ACR: variants seen among roughly 807,000 people sequenced by gnomAD.
ACR encodes acrosin light and heavy chain prepropeptide.
In ACR, 17 loss-of-function variants were observed where a neutral mutation model predicts 26.0. The observed-to-expected ratio is 0.65, with a 90% CI of 0.45 to 0.98. The LOEUF is 0.98. ACR is among the 50% of genes least tolerant of loss of function. The pLI is 0.00. For synonymous variants in ACR, 199 were observed against 207.7 expected (o/e 0.96, Z 0.36); for missense variants, 435 against 519.3 (o/e 0.84, Z 1.58).
chr22:50,740,523 C>A, intron 3 of ACR: 1 of 694,158 alleles, frequency 1.4e-6, no homozygotes, highest in Non-Finnish European at 2.6e-6. Flanking sequence ...CAAATCTACC[C>A]TCTCCATCTG....
chr22:50,742,566 G>A (rs1047611802), intron 3 of ACR, among the ~76,000 whole-genome samples: 19 of 145,466 alleles, frequency 1.3e-4, no homozygotes, highest in Non-Finnish European at 1.9e-4. Flanking sequence ...AAAAAAAATC[G>A]TCTTAATGGC....
rs1160394954 is a variant in ACR, at chr22:50,739,259, G to C, written c.78-12G>C. 1.9e-6 allele frequency: 3 copies of C among 1,558,450 alleles called. No individual in the cohort carries two copies. In the Admixed American group the frequency reaches 5.8e-5, roughly 30 times the overall value. ...CATGCCAGGTTTGAACTGTGCTCTG[G>C]TCTCTCCCCAGTGGCCCCTGTGGGT... On this transcript the variant is annotated splice_polypyrimidine_tract_variant and intron_variant, in intron 1 of 4. Coordinates refer to ENST00000216139, the MANE Select transcript of ACR (RefSeq NM_001097.3). The surrounding 1 kb of genome is among the most constrained non-coding windows in gnomAD (Gnocchi z 5.5).
intron 3 of ACR, chr22:50,740,336 G>C (rs913956414): frequency 1.8e-6 from 1 of 570,706 alleles, no homozygotes; most frequent in Non-Finnish European, 3.1e-6. Flanking sequence ...TTATGTGGCC[G>C]TATGACAGTG....
Position 50,744,839 on chromosome 22 carries a change from G to T in ACR, c.898G>T (p.Ala300Ser). The T allele has an allele frequency of 6.3e-7, 1 of 1,599,790 alleles. No individual in the cohort carries two copies. Among genetic ancestry groups the T allele is most frequent in the Non-Finnish European group, 8.5e-7 (1 of 1,173,944 alleles). Residue 300 changes from alanine to serine, a missense_variant, in exon 5 of 5, where the codon GCC (alanine) becomes TCC (serine). By Grantham distance (99) the Ala-to-Ser change is moderately conservative. Transcript: ENST00000216139. Reference protein sequence around the residue: ...GSNALRMIQSATPPPPTTRPP... With the variant: ...GSNALRMIQSSTPPPPTTRPP... ...TAACGCTTTGCGTATGATTCAATCGGCCACCCCTCCACCTCCCACCACTCG... is the reference window on the plus strand; with the variant it reads ...TAACGCTTTGCGTATGATTCAATCGTCCACCCCTCCACCTCCCACCACTCG...
At chr22:50,743,715 C>T (rs527547847) in intron 3 of ACR, among the ~76,000 whole-genome samples, 57 of 152,306 alleles carry the variant, frequency 3.7e-4, no homozygotes, top group South Asian at 6.2e-4. Flanking sequence ...GACCATGTGA[C>T]TCAGGGAGTG....
At chr22:50,738,658 C>T (rs892038085) in intron 1 of ACR, among the ~76,000 whole-genome samples, 5 of 151,724 alleles carry the variant, frequency 3.3e-5, no homozygotes, top group African/African-American at 4.9e-5. Flanking sequence ...CGCTTCACAC[C>T]GCTTGCACCC....
At chr22:50,744,039 C>A (rs2083438161) in intron 3 of ACR, 22 bp from the exon 4 acceptor site, 4 of 1,534,470 alleles carry the variant, frequency 2.6e-6, no homozygotes, top group South Asian at 2.2e-5. Flanking sequence ...TGATCACTGA[C>A]CACCGAGTGG....
chr22:50,738,683 G>T (rs1169810715), intron 1 of ACR, among the ~76,000 whole-genome samples: 1 of 151,174 alleles, frequency 6.6e-6, no homozygotes, highest in Non-Finnish European at 1.5e-5. Context: ...CCCCCAGTAG[G>T]CTCTCTCACT....
chr22:50,740,180 GC>G (rs1248958597), intron 3 of ACR: 1 of 719,632 alleles, frequency 1.4e-6, no homozygotes, highest in Non-Finnish European at 2.5e-6. Context: ...CTACGGGGGG[GC>G]TGACAGCAGG....
chr22:50,739,653 T>C lies in ACR; in HGVS notation c.282-41T>C. The stretch of plus-strand genomic sequence containing the variant: ...CTGAGGGTCGCTGTCACCAGGCTTT[T>C]GTCCAGCCGGTTGTGACCTGGCTTA... On this transcript the variant is annotated intron_variant, in intron 2 of 4. Coordinates refer to ENST00000216139, the MANE Select transcript of ACR (RefSeq NM_001097.3). The surrounding 1 kb of genome is among the most constrained non-coding windows in gnomAD (Gnocchi z 5.5). The C allele has an allele frequency of 6.5e-7, 1 of 1,539,784 alleles. No individual in the cohort carries two copies. Among genetic ancestry groups the C allele is most frequent in the Non-Finnish European group, 8.7e-7 (1 of 1,143,936 alleles).
At position 50,739,182 on chromosome 22, in the gene ACR, C is replaced by G. The variant is rs1049212260; in HGVS notation, c.78-89C>G. On this transcript the variant is annotated intron_variant, in intron 1 of 4. Coordinates refer to ENST00000216139, the MANE Select transcript of ACR (RefSeq NM_001097.3). This position sits in a 1 kb window ranked among gnomAD's most constrained non-coding sequence, Gnocchi z 5.5. ...GGAAGCTCTTCCCCACTTTTCCCAA[C>G]CCCATGTCCCTGCCTCCCCTCAGTT... 27 of 1,251,898 alleles carry G rather than the reference C, an allele frequency of 2.2e-5. No homozygotes were observed. The highest frequency in any genetic ancestry group is 1.8e-4 in the African/African-American group (12 of 67,150). 77.5% of individuals were successfully genotyped at this position (1,251,898 alleles called of 1,614,324 possible).
chr22:50,744,596 T>G (rs552705598), intron 4 of ACR, 57 bp from the exon 5 acceptor site: 1 of 1,553,182 alleles, frequency 6.4e-7, no homozygotes, highest in African/African-American at 1.4e-5. Flanking sequence ...TTCCGACCCC[T>G]CTGGGCAGGG....
At chr22:50,741,681 A>T (rs907239359) in intron 3 of ACR, among the ~76,000 whole-genome samples, 10 of 134,616 alleles carry the variant, frequency 7.4e-5, no homozygotes, top group Admixed American at 1.5e-4. Context: ...TCTTAAAGAA[A>T]CCCCCAGGCT....
At position 50,739,659 on chromosome 22, in the gene ACR, G is replaced by C; in HGVS notation, c.282-35G>C. ...GTCGCTGTCACCAGGCTTTTGTCCA[G>C]CCGGTTGTGACCTGGCTTACCTTTG... On this transcript the variant is annotated intron_variant, in intron 2 of 4. Transcript: ENST00000216139. The surrounding 1 kb of genome is among the most constrained non-coding windows in gnomAD (Gnocchi z 5.5). 1 of 1,538,828 alleles carries C rather than the reference G, an allele frequency of 6.5e-7. No individual in the cohort carries two copies. The highest frequency in any genetic ancestry group is 8.7e-7 in the Non-Finnish European group (1 of 1,143,790).
chr22:50,740,760 C>T (rs2146854054), intron 3 of ACR: 3 of 702,088 alleles, frequency 4.3e-6, no homozygotes, highest in Middle Eastern at 2.3e-4. Context: ...ACCTGATACA[C>T]TCGACACCAG....
chr22:50,739,725 G>A lies in ACR; in HGVS notation c.313G>A (p.Ala105Thr). Residue 105 changes from alanine (A) to threonine (T), a missense_variant, in exon 3 of 5, where the codon GCA (alanine) becomes ACA (threonine). Ala to Thr is a moderately conservative substitution (Grantham distance 58, BLOSUM62 0). Around this residue, in one of 3 missense-constraint regions of ACR, gnomAD observed 314 missense variants for 372.0 expected, o/e 0.84. Coordinates refer to ENST00000216139, the MANE Select transcript of ACR (RefSeq NM_001097.3). This position sits in a 1 kb window ranked among gnomAD's most constrained non-coding sequence, Gnocchi z 5.5. ...GCATGACTGGAGACTGGTTTTCGGAGCAAAGGAAATTACATATGGGAACAA... is the reference window on the plus strand; with the variant it reads ...GCATGACTGGAGACTGGTTTTCGGAACAAAGGAAATTACATATGGGAACAA... ...NVHDWRLVFG[A>T]KEITYGNNKP... The A allele has an allele frequency of 1.9e-6, 3 of 1,545,360 alleles. No individual in the cohort carries two copies. The highest frequency in any genetic ancestry group is 2.6e-6 in the Non-Finnish European group (3 of 1,148,614).
intron 1 of ACR, among the ~76,000 whole-genome samples, chr22:50,738,807 A>C (rs1406469874): frequency 6.6e-6 from 1 of 150,656 alleles, no homozygotes; most frequent in Non-Finnish European, 1.5e-5. Flanking sequence ...TGCCCCCTAC[A>C]CCTGTGGGCC....
chr22:50,741,110 A>C (rs2083423077), intron 3 of ACR, among the ~76,000 whole-genome samples: 1 of 152,196 alleles, frequency 6.6e-6, no homozygotes, highest in Non-Finnish European at 1.5e-5. Context: ...AATTCAAGGC[A>C]ATTCAGTCAT....
intron 3 of ACR, among the ~76,000 whole-genome samples, chr22:50,741,494 C>T (rs1030834105): frequency 7.9e-5 from 12 of 152,010 alleles, no homozygotes; most frequent in African/African-American, 2.4e-4. Context: ...CACTGCCAAC[C>T]GTTGCTGTCC....
Sources: allele counts gnomAD v4.1 joint callset (sites outside exome capture counted in the v4.1 genomes callset), GRCh38; gene constraint gnomAD v4.1.1; regional missense constraint gnomAD v4.1.1; non-coding constraint Gnocchi (gnomAD v3.1); transcripts MANE v1.5; gene names NCBI Gene and HGNC (gene_info 2026-07-23, HGNC 2026-07-21).